Variants in PPP6R3 observed in about 807,000 individuals in gnomAD.
PPP6R3 encodes protein phosphatase 6 regulatory subunit 3.
Under a neutral mutation model 110.7 loss-of-function variants are expected in PPP6R3, and 38 were observed. The ratio of observed to expected loss-of-function variants is 0.34; its 90% CI spans 0.26 to 0.45. The LOEUF (loss-of-function observed/expected upper bound fraction) is 0.45. Among genes scored for constraint, PPP6R3 ranks in the 20% least tolerant of loss-of-function variants. The probability of loss-of-function intolerance (pLI) is 1.00; values close to 1 mark genes in which losing one functional copy is unlikely to be tolerated. For missense variants in PPP6R3, 870 were observed against 1,062.4 expected, an observed-to-expected ratio of 0.82 and a Z score of 2.52; for synonymous variants, 369 against 373.5, an observed-to-expected ratio of 0.99 and a Z score of 0.14.
At chr11:68,555,619 C>T (rs1398171558) in intron 7 of PPP6R3, among the ~76,000 whole-genome samples, 2 of 152,192 alleles carry the variant, frequency 1.3e-5, no homozygotes, top group South Asian at 2.1e-4. Flanking sequence ...GCCTTCCGTC[C>T]ACACAGCTTT....
intron 1 of PPP6R3, among the ~76,000 whole-genome samples, chr11:68,514,205 C>T (rs2099124553): frequency 1.3e-5 from 2 of 152,038 alleles, no homozygotes; most frequent in Admixed American, 6.5e-5. Context: ...GCTAGGACTG[C>T]AGGTGCTTGC....
chr11:68,490,242 A>G (rs2098975250), intron 1 of PPP6R3, among the ~76,000 whole-genome samples: 2 of 152,150 alleles, frequency 1.3e-5, no homozygotes, highest in Admixed American at 6.5e-5. Flanking sequence ...TCTCAGTGCT[A>G]TAAATATTTC....
chr11:68,537,364 A>G (rs928080924), intron 2 of PPP6R3, among the ~76,000 whole-genome samples: 2 of 152,176 alleles, frequency 1.3e-5, no homozygotes, highest in African/African-American at 4.8e-5. Flanking sequence ...CTTTCCCAGC[A>G]TCACTTCTTA....
chr11:68,612,138 C>G (rs1429628639), intron 23 of PPP6R3, among the ~76,000 whole-genome samples: 1 of 152,190 alleles, frequency 6.6e-6, no homozygotes, highest in Non-Finnish European at 1.5e-5. Flanking sequence ...TAAGATCACT[C>G]AGCTTGTTTA....
intron 1 of PPP6R3, among the ~76,000 whole-genome samples, chr11:68,513,766 G>T (rs977503146): frequency 5.9e-5 from 9 of 152,208 alleles, no homozygotes; most frequent in Middle Eastern, 3.4e-3. Context: ...TGTTTTATGC[G>T]TTTTTTGCAC....
At chr11:68,595,200 ATTTTTTTTTT>A (rs71043443) in intron 18 of PPP6R3, among the ~76,000 whole-genome samples, 9 of 81,114 alleles carry the variant, frequency 1.1e-4, no homozygotes, top group Admixed American at 3.0e-4. Context: ...CATAAAAATA[ATTTTTTTTTT>A]TTTTTTTTTT....
intron 2 of PPP6R3, among the ~76,000 whole-genome samples, chr11:68,528,919 G>C (rs2099218615): frequency 6.6e-6 from 1 of 152,198 alleles, no homozygotes; most frequent in Non-Finnish European, 1.5e-5. Context: ...AGATGAGCCA[G>C]TATGAACAGC....
Position 68,613,748 on chromosome 11 carries a change from ATTAAGTAAAGTAT to A in PPP6R3, c.*635_*647del. 1 of 952,952 alleles carries A rather than the reference ATTAAGTAAAGTAT, an allele frequency of 1.0e-6. No homozygotes were observed. Among genetic ancestry groups the A allele is most frequent in the Non-Finnish European group, 1.2e-6 (1 of 812,372 alleles). 59.0% of individuals were successfully genotyped at this position (952,952 alleles called of 1,614,324 possible). On this transcript the variant is annotated 3_prime_UTR_variant, in exon 24 of 24. Transcript: ENST00000393800. ...CAAAAATGTAAGTCTATTGGTAGAG[ATTAAGTAAAGTAT>A]TTATTGCTACATCATAGTTGATAAA...
chr11:68,485,671 T>A (rs969224340), intron 1 of PPP6R3, among the ~76,000 whole-genome samples: 5 of 152,174 alleles, frequency 3.3e-5, no homozygotes, highest in Non-Finnish European at 7.4e-5. Flanking sequence ...ACTGATGTGA[T>A]GGGTCATGTT....
chr11:68,524,441 G>A (rs933140184), intron 2 of PPP6R3, among the ~76,000 whole-genome samples: 2 of 152,096 alleles, frequency 1.3e-5, no homozygotes, highest in Non-Finnish European at 2.9e-5. Context: ...GACGTGATGT[G>A]CTCAGGGCAG....
chr11:68,604,791 T>TA (rs1445437832), intron 22 of PPP6R3, among the ~76,000 whole-genome samples: 1 of 152,244 alleles, frequency 6.6e-6, no homozygotes, highest in Non-Finnish European at 1.5e-5. Flanking sequence ...GAAAACAGTT[T>TA]AAAATCTCAT....
intron 1 of PPP6R3, among the ~76,000 whole-genome samples, chr11:68,465,441 TTATC>T (rs1275185902): frequency 6.6e-6 from 1 of 151,782 alleles, no homozygotes; most frequent in African/African-American, 2.4e-5. Context: ...AAAATTTAGA[TTATC>T]TAGTTTATGG....
chr11:68,554,090 T>C, intron 6 of PPP6R3, 55 bp from the exon 7 acceptor site: 1 of 1,314,950 alleles, frequency 7.6e-7, no homozygotes. Flanking sequence ...ATTTTTAAAT[T>C]ATAAATTTAA....
In PPP6R3 at chr11:68,510,335, A is replaced by G. The variant is rs148242545; in HGVS notation, c.-157-9166A>G. On this transcript the variant is annotated intron_variant, in intron 1 of 23. Transcript: ENST00000393800. ...ACATTTAATACCTCTTCCCAGTCCA[A>G]CATTCTTCTTTGTTTTTTTTGAAAC... Among the ~76,000 whole-genome samples, 5 of 152,004 alleles carry G rather than the reference A, an allele frequency of 3.3e-5. No homozygotes were observed. The East Asian group carries it at 9.7e-4, about 29-fold the overall frequency.
intron 1 of PPP6R3, among the ~76,000 whole-genome samples, chr11:68,487,561 C>T (rs759360075): frequency 2.0e-5 from 3 of 149,872 alleles, no homozygotes; most frequent in Admixed American, 1.3e-4. Flanking sequence ...CACAGCAAGA[C>T]TGCCTCAAAA....
intron 5 of PPP6R3, among the ~76,000 whole-genome samples, chr11:68,549,034 G>A (rs1392403932): frequency 6.6e-6 from 1 of 152,112 alleles, no homozygotes; most frequent in Non-Finnish European, 1.5e-5. Context: ...GGGATTATAG[G>A]TGTCCGCCAC....
At chr11:68,530,942 A>G (rs2153618188) in intron 2 of PPP6R3, among the ~76,000 whole-genome samples, 1 of 152,298 alleles carries the variant, frequency 6.6e-6, no homozygotes, top group South Asian at 2.1e-4. Flanking sequence ...GTTTGTGGGT[A>G]GGATCACCAG....
intron 1 of PPP6R3, among the ~76,000 whole-genome samples, chr11:68,487,567 CAAA>C (rs1229907000): frequency 7.5e-6 from 1 of 132,770 alleles, no homozygotes. Context: ...AAGACTGCCT[CAAA>C]AAAAAAAAAA....
chr11:68,474,667 G>T (rs2098815679), intron 1 of PPP6R3, among the ~76,000 whole-genome samples: 1 of 152,124 alleles, frequency 6.6e-6, no homozygotes, highest in African/African-American at 2.4e-5. Flanking sequence ...GGTAAGCCTT[G>T]CTGGTAAGAC....
Sources: gnomAD v4.1 joint callset for allele counts (sites outside exome capture counted in the v4.1 genomes callset) on GRCh38, gnomAD v4.1.1 for gene constraint, MANE v1.5 for transcripts, NCBI Gene and HGNC (gene_info 2026-07-23, HGNC 2026-07-21) for gene names.